BST1: variants seen among roughly 807,000 people sequenced by gnomAD.
BST1 encodes the protein bone marrow stromal cell antigen 1.
Under a neutral mutation model 40.6 loss-of-function variants are expected in BST1, and 49 were observed. The ratio of observed to expected loss-of-function variants is 1.21; its 90% CI spans 0.96 to 1.53. BST1 has a LOEUF of 1.53. Ranked by LOEUF, BST1 falls within the 40% of genes most tolerant of loss-of-function variation. The pLI is 0.00. For missense variants in BST1, 423 were observed against 395.9 expected, an observed-to-expected ratio of 1.07 and a Z score of -0.58; for synonymous variants, 157 against 159.3, an observed-to-expected ratio of 0.99 and a Z score of 0.11.
the BST1 span, among the ~76,000 whole-genome samples, chr4:15,764,463 T>C: frequency 6.6e-6 from 1 of 151,964 alleles, no homozygotes; most frequent in Admixed American, 6.5e-5. Context: ...GAAAGTGTAA[T>C]TGTCCTAGGA....
At position 15,711,772 on chromosome 4, in the gene BST1, T is replaced by G. The variant is rs747087200; in HGVS notation, c.452-35T>G. The G allele has an allele frequency of 4.0e-6, 6 of 1,490,180 alleles. No homozygotes were observed. The Admixed American group carries it at 8.4e-5, about 21-fold the overall frequency. 92.3% of individuals were successfully genotyped at this position (1,490,180 alleles called of 1,614,324 possible). A position where few individuals can be genotyped will look rare whatever the true frequency, so the allele number is the denominator to read the frequency against. On this transcript the variant is annotated intron_variant, in intron 3 of 8. Transcript: ENST00000265016. ...AATTCTTCTCTGAGATAGATAATCT[T>G]TGGAATAAAATGTGTTTGTCTACTT...
downstream of BST1, among the ~76,000 whole-genome samples, chr4:15,742,355 G>A (rs1350254028): frequency 1.3e-5 from 2 of 152,112 alleles, no homozygotes; most frequent in African/African-American, 4.8e-5. Context: ...GTTAAAAAGA[G>A]CCTGGCACCT....
Position 15,703,232 on chromosome 4 carries a change from G to A in BST1, c.88G>A (p.Ala30Thr), listed in dbSNP as rs1399049961. Residue 30 changes from alanine to threonine, a missense_variant, in exon 1 of 9, where the codon GCG (alanine) becomes ACG (threonine). Physicochemically the swap from Ala to Thr is moderately conservative, Grantham distance 58. Transcript: ENST00000265016. ...ACTGTTGCTGCTGGCGGCGGGCGGG[G>A]CGCGCGCGCGGTGGCGCGGGGAGGG... ...LLLLLLAAGG[A>T]RARWRGEGTS... 2 of 1,540,154 alleles carry A rather than the reference G, an allele frequency of 1.3e-6. No homozygotes were observed. The highest frequency in any genetic ancestry group is 2.0e-5 in the Admixed American group (1 of 49,692).
downstream of BST1, chr4:15,736,013 A>G (rs1297845125): frequency 7.5e-6 from 9 of 1,207,228 alleles, no homozygotes; most frequent in South Asian, 5.1e-5. Flanking sequence ...AGTAGCAGAC[A>G]TTTTTCTATG....
At chr4:15,735,639 A>C (rs540004530), downstream of BST1, among the ~76,000 whole-genome samples, 10 of 152,306 alleles carry the variant, frequency 6.6e-5, no homozygotes, top group African/African-American at 2.4e-4. Flanking sequence ...GGACCCAACC[A>C]ACCAACTTCC....
At chr4:15,712,313 T>A (rs1015118355) in intron 4 of BST1, among the ~76,000 whole-genome samples, 1 of 152,080 alleles carries the variant, frequency 6.6e-6, no homozygotes, top group African/African-American at 2.4e-5. Flanking sequence ...GAGGAACTGA[T>A]AGGAGATGGA....
At chr4:15,772,901 C>T in the BST1 span, among the ~76,000 whole-genome samples, 2 of 152,118 alleles carry the variant, frequency 1.3e-5, no homozygotes, top group African/African-American at 4.8e-5. Flanking sequence ...GAGGTGCGCA[C>T]GCACCATGGA....
the BST1 span, among the ~76,000 whole-genome samples, chr4:15,744,558 G>T: frequency 6.6e-6 from 1 of 152,202 alleles, no homozygotes; most frequent in South Asian, 2.1e-4. Context: ...TACAATTTAA[G>T]ATGAGATTTT....
At chr4:15,711,381 T>C (rs559798527) in intron 3 of BST1, among the ~76,000 whole-genome samples, 12 of 152,330 alleles carry the variant, frequency 7.9e-5, no homozygotes, top group Middle Eastern at 3.4e-3. Context: ...TAATCCTTTG[T>C]TTCCTTGCAT....
chr4:15,740,387 G>T (rs1013940778), downstream of BST1, among the ~76,000 whole-genome samples: 5 of 152,150 alleles, frequency 3.3e-5, no homozygotes, highest in African/African-American at 4.8e-5. Context: ...ACTTTCATTT[G>T]TGGGATGAAG....
At position 15,723,484 on chromosome 4, in the gene BST1, G is replaced by C. The variant is rs1720936222; in HGVS notation, c.851+550G>C. The stretch of plus-strand genomic sequence containing the variant: ...AGGATGGTCTCGATCTCCTGGCCTT[G>C]TGATCCGCCTTCCTTGGCCTCCTAA... On this transcript the variant is annotated intron_variant, in intron 8 of 8. Coordinates refer to ENST00000265016, the MANE Select transcript of BST1 (RefSeq NM_004334.3). The C allele has an allele frequency of 4.6e-6, 4 of 867,228 alleles. No individual in the cohort carries two copies. In the South Asian group the frequency reaches 2.1e-4, roughly 46 times the overall value. The allele number at this position is 867,228 out of a possible 1,614,324, so 53.7% of individuals were successfully genotyped here.
chr4:15,720,177 A>T (rs7699180), intron 7 of BST1, among the ~76,000 whole-genome samples: 125,613 of 152,088 alleles, frequency 0.83, 52,130 homozygotes, highest in East Asian at 0.97. Context: ...TAATGCCATT[A>T]ATTAGTTTTA....
chr4:15,758,677 C>T, the BST1 span, among the ~76,000 whole-genome samples: 165 of 152,264 alleles, frequency 1.1e-3, no homozygotes, highest in African/African-American at 3.8e-3. Context: ...GATTTTTGTA[C>T]CTTGTTCATC....
chr4:15,718,989 T>C lies in BST1; in HGVS notation c.787T>C (p.Tyr263His). The C allele has an allele frequency of 6.2e-7, 1 of 1,613,266 alleles. No individual in the cohort carries two copies. The highest frequency in any genetic ancestry group is 8.5e-7 in the Non-Finnish European group (1 of 1,179,610). ...MGFQYSCIND[Y>H]RPVKLLQCVD... ...GTTCCAGTACAGCTGTATTAATGAT[T>C]ACCGGTAGGTGGCCTATATATCAAT... The change falls in exon 7 of 9, where the codon TAC becomes CAC. Residue 263 changes from tyrosine to histidine, a missense_variant. Coordinates refer to ENST00000265016, the MANE Select transcript of BST1 (RefSeq NM_004334.3).
chr4:15,757,926 G>A, the BST1 span, among the ~76,000 whole-genome samples: 3 of 152,092 alleles, frequency 2.0e-5, no homozygotes, highest in East Asian at 5.8e-4. Context: ...ACAGGCATGA[G>A]CCACCGCGCC....
At chr4:15,735,566 G>T (rs1410616363), downstream of BST1, among the ~76,000 whole-genome samples, 1 of 152,168 alleles carries the variant, frequency 6.6e-6, no homozygotes, top group Non-Finnish European at 1.5e-5. Context: ...GGGTGTGTGA[G>T]GGGAGCCGTG....
chr4:15,737,784 C>G (rs1385017159), downstream of BST1: 1 of 1,286,184 alleles, frequency 7.8e-7, no homozygotes, highest in Non-Finnish European at 1.0e-6. Flanking sequence ...TGAACCTGAA[C>G]AGGAAACTGT....
chr4:15,737,006 GTTGGCCCACATCCTACCTT>G (rs1410467181), downstream of BST1, among the ~76,000 whole-genome samples: 1 of 152,176 alleles, frequency 6.6e-6, no homozygotes, highest in Non-Finnish European at 1.5e-5. Flanking sequence ...CACCTAACAG[GTTGGCCCACATCCTACCTT>G]CAGCACTTGC....
intron 8 of BST1, among the ~76,000 whole-genome samples, chr4:15,725,622 A>G (rs146541956): frequency 7.4e-4 from 113 of 152,186 alleles, no homozygotes; most frequent in African/African-American, 2.6e-3. Flanking sequence ...CACGTCACCC[A>G]CAGCTTCTCA....
Sources: gnomAD v4.1 joint callset for allele counts (sites outside exome capture counted in the v4.1 genomes callset) on GRCh38, gnomAD v4.1.1 for gene constraint, MANE v1.5 for transcripts, NCBI Gene and HGNC (gene_info 2026-07-23, HGNC 2026-07-21) for gene names.